SLC4A4: variants seen among roughly 807,000 people sequenced by gnomAD.
The protein encoded by SLC4A4 is electrogenic sodium bicarbonate cotransporter 1.
Under a neutral mutation model 111.5 loss-of-function variants are expected in SLC4A4, and 27 were observed. That is an observed-to-expected ratio of 0.24 (90% CI 0.18 to 0.33). The LOEUF (loss-of-function observed/expected upper bound fraction) is 0.33. SLC4A4 is among the 10% of genes least tolerant of loss of function. The probability of loss-of-function intolerance (pLI) is 1.00; values close to 1 mark genes in which losing one functional copy is unlikely to be tolerated. For synonymous variants in SLC4A4, 443 were observed against 463.4 expected (o/e 0.96, Z 0.57); for missense variants, 909 against 1,315.5 (o/e 0.69, Z 4.78).
intron 3 of SLC4A4, among the ~76,000 whole-genome samples, chr4:71,320,479 C>A (rs76542758): frequency 0.021 from 3,218 of 152,090 alleles, 137 homozygotes; most frequent in African/African-American, 0.074. Flanking sequence ...TTATACATTT[C>A]TATAACTGAA....
At chr4:71,095,304 G>C (rs188354292) in intron 2 of SLC4A4, among the ~76,000 whole-genome samples, 1 of 152,334 alleles carries the variant, frequency 6.6e-6, no homozygotes, top group Admixed American at 6.5e-5. Context: ...CAGGAGGGAG[G>C]CTAAAGGACA....
At chr4:71,099,213 C>G (rs552313602) in intron 2 of SLC4A4, among the ~76,000 whole-genome samples, 1 of 152,232 alleles carries the variant, frequency 6.6e-6, no homozygotes, top group South Asian at 2.1e-4. Context: ...TAAAACAATC[C>G]TCAGCAAATG....
At chr4:71,278,656 T>G (rs1398464317) in intron 3 of SLC4A4, among the ~76,000 whole-genome samples, 1 of 152,214 alleles carries the variant, frequency 6.6e-6, no homozygotes, top group Non-Finnish European at 1.5e-5. Context: ...GACAGATGTC[T>G]TATTGTGGTT....
At chr4:71,323,385 A>G (rs1452173615) in intron 3 of SLC4A4, among the ~76,000 whole-genome samples, 1 of 152,020 alleles carries the variant, frequency 6.6e-6, no homozygotes, top group Non-Finnish European at 1.5e-5. Flanking sequence ...AACTGGAATA[A>G]ACAAACAACA....
chr4:71,523,012 A>C (rs1733094148), intron 16 of SLC4A4, among the ~76,000 whole-genome samples: 2 of 152,192 alleles, frequency 1.3e-5, no homozygotes, highest in Admixed American at 1.3e-4. Flanking sequence ...TGGCCATTCT[A>C]TTAAAATTGC....
rs183293889 is a variant in SLC4A4, at chr4:71,553,767, G to A, written c.2695-1373G>A. Among the ~76,000 whole-genome samples, 15 of 151,946 alleles carry A rather than the reference G, an allele frequency of 9.9e-5. No individual in the cohort carries two copies. The East Asian group carries it at 2.9e-3, about 30-fold the overall frequency. On this transcript the variant is annotated intron_variant, in intron 20 of 25. Coordinates refer to ENST00000264485, the MANE Select transcript of SLC4A4 (RefSeq NM_001098484.3). Reference sequence around the variant, plus strand: ...CATTGCAAAATAAATGAAGGCATGTGTCAGAAATAAAGAGGCTTGAGTGTG... The same window carrying A: ...CATTGCAAAATAAATGAAGGCATGTATCAGAAATAAAGAGGCTTGAGTGTG...
intron 16 of SLC4A4, among the ~76,000 whole-genome samples, chr4:71,521,043 A>T (rs1732885586): frequency 6.6e-6 from 1 of 151,998 alleles, no homozygotes; most frequent in African/African-American, 2.4e-5. Flanking sequence ...TTAAAGTCAT[A>T]TTTGGTGTAT....
intron 7 of SLC4A4, among the ~76,000 whole-genome samples, chr4:71,407,807 C>T (rs1471019625): frequency 1.3e-5 from 2 of 151,038 alleles, no homozygotes; most frequent in Non-Finnish European, 2.9e-5. Context: ...GTTAGTGTGA[C>T]ATGTAGAATT....
chr4:71,142,813 G>T (rs1018741031), intron 2 of SLC4A4, among the ~76,000 whole-genome samples: 3 of 126,946 alleles, frequency 2.4e-5, no homozygotes, highest in Non-Finnish European at 3.2e-5. Context: ...ATTTGGTTTG[G>T]ATCCCATGCC....
intron 15 of SLC4A4, among the ~76,000 whole-genome samples, chr4:71,493,842 C>T (rs1053285248): frequency 6.6e-6 from 1 of 152,000 alleles, no homozygotes; most frequent in Non-Finnish European, 1.5e-5. Context: ...TTTGCATATT[C>T]TAACCTATTC....
intron 21 of SLC4A4, 108 bp from the exon 22 acceptor site, chr4:71,557,604 G>T: frequency 8.9e-7 from 1 of 1,117,486 alleles, no homozygotes; most frequent in East Asian, 2.5e-5. Context: ...CCTCTGAAAA[G>T]GACACTGCTT....
intron 12 of SLC4A4, among the ~76,000 whole-genome samples, chr4:71,459,101 G>A (rs1279586052): frequency 6.6e-6 from 1 of 151,940 alleles, no homozygotes; most frequent in Non-Finnish European, 1.5e-5. Flanking sequence ...TGCTTCATGG[G>A]CAAGTTGTGA....
At chr4:71,099,668 A>G (rs1231091431) in intron 2 of SLC4A4, among the ~76,000 whole-genome samples, 1 of 152,130 alleles carries the variant, frequency 6.6e-6, no homozygotes, top group East Asian at 1.9e-4. Flanking sequence ...TTTTGTAAAA[A>G]AATTAATGAG....
At chr4:71,448,206 G>C (rs866720678) in intron 9 of SLC4A4, among the ~76,000 whole-genome samples, 16 of 151,270 alleles carry the variant, frequency 1.1e-4, no homozygotes, top group African/African-American at 3.2e-4. Flanking sequence ...TGTAATCCCA[G>C]CTACTCAGAA....
At chr4:71,387,749 C>T (rs1260489442) in intron 6 of SLC4A4, among the ~76,000 whole-genome samples, 2 of 152,148 alleles carry the variant, frequency 1.3e-5, no homozygotes, top group African/African-American at 4.8e-5. Context: ...CCGCCTCGGC[C>T]TCCGAAGCGC....
At chr4:71,480,503 A>T (rs938865221) in intron 14 of SLC4A4, among the ~76,000 whole-genome samples, 1 of 151,702 alleles carries the variant, frequency 6.6e-6, no homozygotes, top group Non-Finnish European at 1.5e-5. Context: ...AGCCATTTTT[A>T]CCCTTTGTTG....
intron 1 of SLC4A4, among the ~76,000 whole-genome samples, chr4:71,065,899 T>C (rs1741506080): frequency 6.6e-6 from 1 of 152,156 alleles, no homozygotes; most frequent in South Asian, 2.1e-4. Context: ...AAAATTATAT[T>C]GTAATTGCCT....
chr4:71,327,238 C>T (rs779105188), intron 3 of SLC4A4, among the ~76,000 whole-genome samples: 3 of 152,030 alleles, frequency 2.0e-5, no homozygotes, highest in Non-Finnish European at 2.9e-5. Flanking sequence ...CAAATTTCAA[C>T]TAATTTACTT....
chr4:71,370,748 AT>A (rs980689108), intron 6 of SLC4A4, among the ~76,000 whole-genome samples: 3 of 152,126 alleles, frequency 2.0e-5, no homozygotes, highest in African/African-American at 7.2e-5. Flanking sequence ...AGCTGTTTTT[AT>A]TTTTTTAAGT....
Sources: gnomAD v4.1 joint callset for allele counts (sites outside exome capture counted in the v4.1 genomes callset) on GRCh38, gnomAD v4.1.1 for gene constraint, MANE v1.5 for transcripts, NCBI Gene and HGNC (gene_info 2026-07-23, HGNC 2026-07-21) for gene names.